The following KCNQ3 variants were observed in gnomAD, a reference collection of about 807,000 sequenced individuals.
The protein encoded by KCNQ3 is potassium voltage-gated channel subfamily Q member 3.
In KCNQ3, 30 loss-of-function variants were observed where a neutral mutation model predicts 92.5. That is an observed-to-expected ratio of 0.32 (90% confidence interval 0.24 to 0.44). The LOEUF (loss-of-function observed/expected upper bound fraction) is 0.44, where lower values mean the gene tolerates loss of function less well. Among genes scored for constraint, KCNQ3 ranks in the 20% least tolerant of loss-of-function variants. The pLI is 1.00. For synonymous variants in KCNQ3, 450 were observed against 468.8 expected, an observed-to-expected ratio of 0.96 and a Z score of 0.52; for missense variants, 913 against 1,140.3, an observed-to-expected ratio of 0.80 and a Z score of 2.87.
At chr8:132,425,515 TATC>T (rs1435964464) in intron 1 of KCNQ3, among the ~76,000 whole-genome samples, 1 of 152,272 alleles carries the variant, frequency 6.6e-6, no homozygotes, top group African/African-American at 2.4e-5. Flanking sequence ...TACGAACTGA[TATC>T]ATCATTACTC....
intron 9 of KCNQ3, among the ~76,000 whole-genome samples, chr8:132,144,190 C>A (rs568979562): frequency 1.3e-5 from 2 of 152,138 alleles, no homozygotes; most frequent in African/African-American, 4.8e-5. Context: ...TCACAGATGG[C>A]AGTTTAGATG....
chr8:132,225,460 A>T (rs150070732), intron 1 of KCNQ3, among the ~76,000 whole-genome samples: 97 of 152,340 alleles, frequency 6.4e-4, no homozygotes, highest in African/African-American at 2.3e-3. Flanking sequence ...GAATTCAGAT[A>T]CATCAGAAGA....
At chr8:132,140,204 G>A (rs755713893) in intron 10 of KCNQ3, 26 bp from the exon 11 acceptor site, 93 of 1,562,522 alleles carry the variant, frequency 6.0e-5, no homozygotes, top group African/African-American at 6.8e-5. Context: ...ACATATGAAC[G>A]GCAGGCCACA....
At chr8:132,191,121 A>T (rs927316395) in intron 1 of KCNQ3, among the ~76,000 whole-genome samples, 1 of 152,232 alleles carries the variant, frequency 6.6e-6, no homozygotes, top group Admixed American at 6.5e-5. Flanking sequence ...ATTGTAGATC[A>T]AATGAAGACT....
At chr8:132,418,176 G>A (rs937716086) in intron 1 of KCNQ3, among the ~76,000 whole-genome samples, 1 of 152,158 alleles carries the variant, frequency 6.6e-6, no homozygotes, top group African/African-American at 2.4e-5. Context: ...TGACCCACAC[G>A]AAAACAAGGA....
intron 14 of KCNQ3, among the ~76,000 whole-genome samples, chr8:132,130,814 T>C (rs939014665): frequency 1.6e-4 from 24 of 152,200 alleles, no homozygotes; most frequent in African/African-American, 5.8e-4. Flanking sequence ...CCTGCCTAAA[T>C]TGGCACCTTA....
At chr8:132,444,724 G>A (rs1289078299) in intron 1 of KCNQ3, among the ~76,000 whole-genome samples, 3 of 152,238 alleles carry the variant, frequency 2.0e-5, no homozygotes, top group Non-Finnish European at 4.4e-5. Context: ...CGCCAACTGA[G>A]CTGCAGGATG....
intron 1 of KCNQ3, among the ~76,000 whole-genome samples, chr8:132,391,289 C>A (rs1207216314): frequency 6.6e-6 from 1 of 152,140 alleles, no homozygotes; most frequent in Non-Finnish European, 1.5e-5. Flanking sequence ...TCATTCCACC[C>A]TTTACTGGCT....
At chr8:132,199,910 C>CAA (rs66931252) in intron 1 of KCNQ3, among the ~76,000 whole-genome samples, 147 of 101,830 alleles carry the variant, frequency 1.4e-3, no homozygotes, top group Non-Finnish European at 2.4e-3. Context: ...ACTCAGTCTC[C>CAA]AAAAAAAAAA....
chr8:132,271,473 T>G (rs1816146464), intron 1 of KCNQ3, among the ~76,000 whole-genome samples: 2 of 152,234 alleles, frequency 1.3e-5, no homozygotes, highest in Admixed American at 6.5e-5. Context: ...ACCCAGCTTG[T>G]TTCCATAGTA....
chr8:132,173,355 A>G (rs147591389), intron 6 of KCNQ3, among the ~76,000 whole-genome samples: 648 of 152,308 alleles, frequency 4.3e-3, no homozygotes, highest in Non-Finnish European at 8.0e-3. Context: ...TTAGGAAAAA[A>G]ACCGACAAGG....
At chr8:132,242,482 G>A (rs2130411205) in intron 1 of KCNQ3, among the ~76,000 whole-genome samples, 1 of 152,304 alleles carries the variant, frequency 6.6e-6, no homozygotes, top group South Asian at 2.1e-4. Context: ...AAGCAGCAGA[G>A]TTGCAATTTG....
At chr8:132,390,336 G>GTACT (rs1820018440) in intron 1 of KCNQ3, among the ~76,000 whole-genome samples, 1 of 152,170 alleles carries the variant, frequency 6.6e-6, no homozygotes, top group African/African-American at 2.4e-5. Context: ...TGAGTAGAAA[G>GTACT]GGACAGTGCA....
chr8:132,278,953 C>G (rs73358962), intron 1 of KCNQ3, among the ~76,000 whole-genome samples: 1 of 152,032 alleles, frequency 6.6e-6, no homozygotes, highest in Non-Finnish European at 1.5e-5. Context: ...CGGTGACTCA[C>G]GTCTGTAATC....
At chr8:132,136,118 C>CAAAAAAAAAAAAAAAAAAAA (rs67331428) in intron 12 of KCNQ3, among the ~76,000 whole-genome samples, 2 of 40,018 alleles carry the variant, frequency 5.0e-5, no homozygotes. Context: ...GACTCCATCT[C>CAAAAAAAAAAAAAAAAAAAA]AAAAAAAAAA....
At chr8:132,137,862 C>A (rs1450501758) in intron 12 of KCNQ3, 23 bp downstream of exon 12, 4 of 1,613,492 alleles carry the variant, frequency 2.5e-6, no homozygotes, top group African/African-American at 1.3e-5. Context: ...GGAGCGCAGT[C>A]CCTCCAGATG....
intron 1 of KCNQ3, among the ~76,000 whole-genome samples, chr8:132,251,093 C>A (rs961990371): frequency 6.6e-6 from 1 of 151,946 alleles, no homozygotes; most frequent in Non-Finnish European, 1.5e-5. Flanking sequence ...ATGGTGAAAC[C>A]CTGTCTCTAC....
intron 1 of KCNQ3, among the ~76,000 whole-genome samples, chr8:132,283,844 G>A (rs1347124241): frequency 1.3e-5 from 2 of 152,178 alleles, no homozygotes; most frequent in African/African-American, 2.4e-5. Flanking sequence ...AAGAAAACAT[G>A]GTCACAAGGA....
At chr8:132,232,397 G>T (rs1015972553) in intron 1 of KCNQ3, among the ~76,000 whole-genome samples, 1 of 152,162 alleles carries the variant, frequency 6.6e-6, no homozygotes, top group African/African-American at 2.4e-5. Context: ...CTCAATCGTT[G>T]ATAATTTTAT....
Sources: allele counts gnomAD v4.1 joint callset (sites outside exome capture counted in the v4.1 genomes callset), GRCh38; gene constraint gnomAD v4.1.1; transcripts MANE v1.5; gene names NCBI Gene and HGNC (gene_info 2026-07-23, HGNC 2026-07-21).